ADGRG7: variants seen among roughly 807,000 people sequenced by gnomAD.
The protein encoded by ADGRG7 is adhesion G protein-coupled receptor G7.
Under a neutral mutation model 88.6 loss-of-function variants are expected in ADGRG7, and 82 were observed. The observed-to-expected ratio is 0.93, with a 90% CI of 0.77 to 1.11. The LOEUF (loss-of-function observed/expected upper bound fraction) is 1.11, where lower values mean the gene tolerates loss of function less well. Ranked by LOEUF, ADGRG7 falls within the 50% of genes most tolerant of loss-of-function variation. The pLI, the probability that ADGRG7 is intolerant of heterozygous loss-of-function variation, is 0.00. For synonymous variants in ADGRG7, 381 were observed against 345.2 expected (o/e 1.10, Z -1.15); for missense variants, 945 against 953.4 (o/e 0.99, Z 0.12).
At chr3:100,637,437 C>T (rs576900437) in intron 6 of ADGRG7, 35 bp downstream of exon 6, 1 of 1,433,558 alleles carries the variant, frequency 7.0e-7, no homozygotes, top group South Asian at 1.1e-5. Context: ...GAAAACTTGA[C>T]TAAGGGCTGT....
chr3:100,677,460 A>G (rs548556559), intron 15 of ADGRG7, among the ~76,000 whole-genome samples: 1 of 152,212 alleles, frequency 6.6e-6, no homozygotes, highest in Admixed American at 6.5e-5. Flanking sequence ...TTTCTGCTCA[A>G]GATGTAAGTA....
rs371369020 is a variant in ADGRG7 at position 100,643,557 on chromosome 3, A to G, written c.870A>G (p.Thr290=). Residue 290 remains threonine (T), a synonymous_variant, in exon 8 of 16, where the codon ACA becomes ACG. Transcript: ENST00000273352. ...GASSSLVSSS[T]FIHTNVDGLN... The stretch of plus-strand genomic sequence containing the variant: ...GCAGTTCTCTAGTTTCTAGTTCAAC[A>G]TTTATACATACAAATGTGGATGGCC... 3 of 1,613,932 alleles carry G rather than the reference A, an allele frequency of 1.9e-6. No homozygotes were observed. The highest frequency in any genetic ancestry group is 2.5e-6 in the Non-Finnish European group (3 of 1,179,904).
chr3:100,673,464 C>T (rs78973015), intron 15 of ADGRG7, among the ~76,000 whole-genome samples: 1 of 122,860 alleles, frequency 8.1e-6, no homozygotes, highest in Non-Finnish European at 1.7e-5. Flanking sequence ...CTCTTTTCTT[C>T]TTCTTTTTTT....
At chr3:100,622,352 C>T (rs1394631233) in intron 1 of ADGRG7, among the ~76,000 whole-genome samples, 2 of 148,990 alleles carry the variant, frequency 1.3e-5, no homozygotes, top group Admixed American at 1.4e-4. Context: ...ATTGAATTTC[C>T]CTTGCTTCTT....
At chr3:100,689,496 T>C (rs1006486170) in intron 15 of ADGRG7, among the ~76,000 whole-genome samples, 3 of 152,216 alleles carry the variant, frequency 2.0e-5, no homozygotes, top group Non-Finnish European at 4.4e-5. Context: ...TTGGCATGTT[T>C]TTGCAGTGGC....
At chr3:100,661,657 T>C (rs1030520356) in intron 14 of ADGRG7, among the ~76,000 whole-genome samples, 5 of 152,238 alleles carry the variant, frequency 3.3e-5, no homozygotes, top group Admixed American at 3.3e-4. Flanking sequence ...CCCTGGCATG[T>C]TAATGATCTC....
At chr3:100,662,534 AT>A (rs1370546021) in intron 14 of ADGRG7, among the ~76,000 whole-genome samples, 7 of 152,296 alleles carry the variant, frequency 4.6e-5, no homozygotes, top group Non-Finnish European at 4.4e-5. Context: ...CCATTTTGGA[AT>A]TTCAGCATAG....
At chr3:100,633,924 G>T (rs1336679938) in intron 4 of ADGRG7, among the ~76,000 whole-genome samples, 1 of 152,110 alleles carries the variant, frequency 6.6e-6, no homozygotes, top group Non-Finnish European at 1.5e-5. Context: ...CATTAAAAAT[G>T]GCTTCATCTT....
chr3:100,694,644 C>A (rs977996386), intron 15 of ADGRG7, 100 bp from the exon 16 acceptor site: 1 of 1,100,902 alleles, frequency 9.1e-7, no homozygotes, highest in Admixed American at 2.4e-5. Context: ...GGGGAAGTGC[C>A]GTGCAGATGA....
At chr3:100,638,314 G>C (rs1707580444) in intron 6 of ADGRG7, among the ~76,000 whole-genome samples, 1 of 152,196 alleles carries the variant, frequency 6.6e-6, no homozygotes, top group African/African-American at 2.4e-5. Flanking sequence ...TCAGTGGAGA[G>C]GGGAGCTGGA....
chr3:100,616,759 T>C (rs935151733), intron 1 of ADGRG7, among the ~76,000 whole-genome samples: 1 of 152,186 alleles, frequency 6.6e-6, no homozygotes, highest in Admixed American at 6.5e-5. Flanking sequence ...AGATGGAGGC[T>C]ACAGTGAGCT....
At chr3:100,625,030 G>T (rs980432549) in intron 1 of ADGRG7, among the ~76,000 whole-genome samples, 1 of 152,018 alleles carries the variant, frequency 6.6e-6, no homozygotes, top group African/African-American at 2.4e-5. Context: ...CTCTTTTTTG[G>T]TTCCATATAA....
intron 6 of ADGRG7, among the ~76,000 whole-genome samples, chr3:100,638,769 T>A (rs1397704992): frequency 6.6e-6 from 1 of 152,150 alleles, no homozygotes; most frequent in Non-Finnish European, 1.5e-5. Flanking sequence ...CCTCCTCTGT[T>A]CTGGATTACT....
intron 15 of ADGRG7, among the ~76,000 whole-genome samples, chr3:100,680,425 T>A (rs1220839355): frequency 6.6e-6 from 1 of 152,178 alleles, no homozygotes; most frequent in Non-Finnish European, 1.5e-5. Context: ...TCTCTTTTAA[T>A]TGAGTGTTTA....
In ADGRG7 at chr3:100,640,369, G is replaced by A. The variant is rs1216193405; in HGVS notation, c.699-2897G>A. 3.9e-5 allele frequency among the ~76,000 whole-genome samples: 6 copies of A among 152,110 alleles called. No individual in the cohort carries two copies. The South Asian group carries it at 1.0e-3, about 26-fold the overall frequency. ...CTGAATTGCCTTTCTATAGTATAGG[G>A]AGAAGAGGAGAGGGTGAGAATAAAA... On this transcript the variant is annotated intron_variant, in intron 6 of 15. Transcript: ENST00000273352.
At chr3:100,615,368 G>A (rs1394105052) in intron 1 of ADGRG7, among the ~76,000 whole-genome samples, 1 of 152,172 alleles carries the variant, frequency 6.6e-6, no homozygotes, top group East Asian at 1.9e-4. Flanking sequence ...TGTATTTTGT[G>A]GGTAATTTAG....
intron 13 of ADGRG7, among the ~76,000 whole-genome samples, chr3:100,659,134 T>TA (rs1050778524): frequency 2.6e-5 from 4 of 152,014 alleles, no homozygotes; most frequent in African/African-American, 9.7e-5. Context: ...CATTAATATT[T>TA]AAAAAATGCC....
chr3:100,674,511 G>C (rs1215941992), intron 15 of ADGRG7, among the ~76,000 whole-genome samples: 1 of 151,244 alleles, frequency 6.6e-6, no homozygotes, highest in Admixed American at 6.6e-5. Context: ...TCACTTTTTT[G>C]GTTAAGCTAA....
chr3:100,691,220 G>A (rs962743335), intron 15 of ADGRG7, among the ~76,000 whole-genome samples: 1 of 152,218 alleles, frequency 6.6e-6, no homozygotes, highest in Admixed American at 6.5e-5. Flanking sequence ...GAAAAGTGCG[G>A]TATTAGGGTG....
Sources: allele counts gnomAD v4.1 joint callset (sites outside exome capture counted in the v4.1 genomes callset), GRCh38; gene constraint gnomAD v4.1.1; transcripts MANE v1.5; gene names NCBI Gene and HGNC (gene_info 2026-07-23, HGNC 2026-07-21).